Variants in CSMD2 observed in about 807,000 individuals in gnomAD.
CSMD2 encodes CUB and sushi domain-containing protein 2.
Under a neutral mutation model 398.5 loss-of-function variants are expected in CSMD2, and 130 were observed. The ratio of observed to expected loss-of-function variants is 0.33; its 90% CI spans 0.28 to 0.38. The LOEUF (loss-of-function observed/expected upper bound fraction) is 0.38, where lower values mean the gene tolerates loss of function less well. CSMD2 is among the 10% of genes least tolerant of loss of function. The pLI, the probability that CSMD2 is intolerant of heterozygous loss-of-function variation, is 1.00. For synonymous variants in CSMD2, 1,828 were observed against 1,908.5 expected, an observed-to-expected ratio of 0.96 and a Z score of 1.10; for missense variants, 3,829 against 4,764.9, an observed-to-expected ratio of 0.80 and a Z score of 5.78.
intron 2 of CSMD2, among the ~76,000 whole-genome samples, chr1:34,063,574 G>A (rs568571416): frequency 6.6e-6 from 1 of 152,212 alleles, no homozygotes. Context: ...GATGCAAGAG[G>A]TAGATTCCCA....
At chr1:33,850,548 C>A (rs568578280) in intron 5 of CSMD2, among the ~76,000 whole-genome samples, 14 of 152,242 alleles carry the variant, frequency 9.2e-5, no homozygotes, top group African/African-American at 2.6e-4. Context: ...TCTTCTCCCC[C>A]CTCCTGACTT....
At chr1:33,969,590 C>A (rs1280995903) in intron 3 of CSMD2, among the ~76,000 whole-genome samples, 2 of 152,150 alleles carry the variant, frequency 1.3e-5, no homozygotes, top group African/African-American at 4.8e-5. Flanking sequence ...TTATTATTTC[C>A]ATTTTACACA....
intron 32 of CSMD2, among the ~76,000 whole-genome samples, chr1:33,630,823 A>G (rs1287053635): frequency 2.0e-5 from 3 of 152,196 alleles, no homozygotes; most frequent in Admixed American, 1.3e-4. Context: ...CTTGGGCAAA[A>G]AGAGTAAACA....
intron 2 of CSMD2, among the ~76,000 whole-genome samples, chr1:34,052,311 C>A (rs1301353773): frequency 2.0e-5 from 3 of 151,756 alleles, no homozygotes; most frequent in African/African-American, 7.3e-5. Context: ...CAACGCAGTA[C>A]AATTACTACA....
At chr1:33,682,369 G>T (rs1031645025) in intron 25 of CSMD2, among the ~76,000 whole-genome samples, 8 of 152,152 alleles carry the variant, frequency 5.3e-5, no homozygotes, top group Non-Finnish European at 1.2e-4. Flanking sequence ...CAGGTTCCAC[G>T]CATTGGAACC....
chr1:34,135,118 G>A (rs750861994), intron 1 of CSMD2, among the ~76,000 whole-genome samples: 4 of 152,090 alleles, frequency 2.6e-5, no homozygotes, highest in Non-Finnish European at 4.4e-5. Flanking sequence ...AAAATGTAGC[G>A]TTACAAAGAA....
intron 25 of CSMD2, 149 bp from the exon 26 acceptor site, chr1:33,663,241 G>A (rs1043463466): frequency 7.6e-5 from 49 of 644,360 alleles, no homozygotes; most frequent in African/African-American, 1.1e-4. Context: ...AGAAGGCAGC[G>A]TCTGGCAGCA....
intron 3 of CSMD2, among the ~76,000 whole-genome samples, chr1:33,954,490 C>T (rs186526622): frequency 1.8e-4 from 28 of 151,956 alleles, no homozygotes; most frequent in Non-Finnish European, 2.6e-4. Flanking sequence ...AGTCAGCCTC[C>T]GGTAAAGGAG....
chr1:33,522,248 C>T (rs997953724), intron 67 of CSMD2, among the ~76,000 whole-genome samples: 1 of 152,162 alleles, frequency 6.6e-6, no homozygotes, highest in African/African-American at 2.4e-5. Flanking sequence ...CAGCTGTCCC[C>T]GCAAACACAC....
chr1:33,844,002 C>A (rs189957545), intron 6 of CSMD2, among the ~76,000 whole-genome samples: 2 of 152,172 alleles, frequency 1.3e-5, no homozygotes, highest in Admixed American at 6.6e-5. Flanking sequence ...CCATCTCTTG[C>A]GGGCTCCTTT....
intron 6 of CSMD2, among the ~76,000 whole-genome samples, chr1:33,844,287 T>TC (rs1553229740): frequency 2.0e-5 from 3 of 151,588 alleles, no homozygotes; most frequent in East Asian, 2.0e-4. Context: ...TGTGTGTGTG[T>TC]GGGGGGGCGC....
At chr1:33,657,869 G>A (rs1643998537) in intron 27 of CSMD2, 77 bp downstream of exon 27, 1 of 1,380,578 alleles carries the variant, frequency 7.2e-7, no homozygotes, top group Middle Eastern at 1.9e-4. Context: ...CCAAGATGCA[G>A]CTGCTGTGCA....
intron 62 of CSMD2, among the ~76,000 whole-genome samples, chr1:33,536,124 T>C (rs1406203242): frequency 1.3e-5 from 2 of 152,214 alleles, no homozygotes; most frequent in Non-Finnish European, 2.9e-5. Flanking sequence ...CTTGACTAGA[T>C]CCCAGCCTGT....
chr1:34,032,483 A>C, intron 3 of CSMD2, 111 bp downstream of exon 3: 1 of 654,024 alleles, frequency 1.5e-6, no homozygotes, highest in South Asian at 2.4e-5. Flanking sequence ...GGACAGGCGC[A>C]AGCTCTGGGT....
In CSMD2 at chr1:34,164,870, G is replaced by C. The variant is rs1249877794; in HGVS notation, c.187+41C>G. 8.2e-7 allele frequency: 1 copy of C among 1,216,482 alleles called. No homozygotes were observed. Among genetic ancestry groups the C allele is most frequent in the South Asian group, 4.1e-5 (1 of 24,194 alleles). 75.4% of individuals were successfully genotyped at this position (1,216,482 alleles called of 1,614,324 possible). A position where few individuals can be genotyped will look rare whatever the true frequency, so the allele number is the denominator to read the frequency against. On this transcript the variant is annotated intron_variant, in intron 1 of 70. Transcript: ENST00000373381. This position sits in a 1 kb window ranked among gnomAD's most constrained non-coding sequence, Gnocchi z 6.2. ...TGGGTGGGCTCGGGGCTCGGGTGGG[G>C]CGCGCGGCGGCCGCTGGCTCCTCGG...
intron 5 of CSMD2, among the ~76,000 whole-genome samples, chr1:33,907,816 A>C (rs557191431): frequency 6.6e-6 from 1 of 152,112 alleles, no homozygotes; most frequent in Non-Finnish European, 1.5e-5. Flanking sequence ...CCACTGGATA[A>C]AGAGAAACTA....
intron 62 of CSMD2, 103 bp downstream of exon 62, chr1:33,536,919 C>T: frequency 1.8e-6 from 2 of 1,123,002 alleles, no homozygotes; most frequent in Non-Finnish European, 2.7e-6. Context: ...AGCTCTTGTC[C>T]TCCCTGAGTG....
At chr1:33,926,270 T>C (rs981939124) in intron 4 of CSMD2, among the ~76,000 whole-genome samples, 2 of 152,194 alleles carry the variant, frequency 1.3e-5, no homozygotes, top group African/African-American at 4.8e-5. Context: ...CAAGGTCACA[T>C]AGGGAGTGGC....
At position 33,751,819 on chromosome 1, in the gene CSMD2, G is replaced by A. The variant is rs139891274; in HGVS notation, c.1847-8213C>T. ...TTTTTGTATTTTTAGTAGAGATAGGGTTTCACCATGTTGGCCAGGATGGTC... is the reference window on the plus strand; with the variant it reads ...TTTTTGTATTTTTAGTAGAGATAGGATTTCACCATGTTGGCCAGGATGGTC... On this transcript the variant is annotated intron_variant, in intron 13 of 70. Coordinates refer to ENST00000373381, the MANE Select transcript of CSMD2 (RefSeq NM_001281956.2). 7.9e-5 allele frequency among the ~76,000 whole-genome samples: 12 copies of A among 151,960 alleles called. No individual in the cohort carries two copies. In the East Asian group the frequency reaches 2.3e-3, roughly 29 times the overall value.
Sources: allele counts gnomAD v4.1 joint callset (sites outside exome capture counted in the v4.1 genomes callset), GRCh38; gene constraint gnomAD v4.1.1; non-coding constraint Gnocchi (gnomAD v3.1); transcripts MANE v1.5; gene names NCBI Gene and HGNC (gene_info 2026-07-23, HGNC 2026-07-21).